The following GRSF1 variants were observed in gnomAD, a reference collection of about 807,000 sequenced individuals.
GRSF1 encodes the protein G-rich sequence factor 1.
GRSF1 carries 50 observed loss-of-function variants against 51.1 expected under a neutral mutation model. The observed-to-expected ratio is 0.98, with a 90% CI of 0.78 to 1.24. The LOEUF (loss-of-function observed/expected upper bound fraction) is 1.24. Ranked by LOEUF, GRSF1 falls within the 50% of genes most tolerant of loss-of-function variation. The probability of loss-of-function intolerance (pLI) is 0.00; values close to 1 mark genes in which losing one functional copy is unlikely to be tolerated. For synonymous variants in GRSF1, 293 were observed against 253.3 expected, an observed-to-expected ratio of 1.16 and a Z score of -1.49; for missense variants, 700 against 639.7, an observed-to-expected ratio of 1.09 and a Z score of -1.02.
Position 70,833,150 on chromosome 4 carries a change from T to A in GRSF1, c.638A>T (p.His213Leu). 6.2e-7 allele frequency: 1 copy of A among 1,613,968 alleles called. No individual in the cohort carries two copies. Among genetic ancestry groups the A allele is most frequent in the Non-Finnish European group, 8.5e-7 (1 of 1,179,878 alleles). ...ATACCGCTGGCCCATGTACATGCGG[T>A]GCTTCTCTAAGGCTTTCTGCACATC... ...EQDVQKALEK[H>L]RMYMGQRYVE... The change falls in exon 3 of 10, where the codon CAC becomes CTC. Residue 213 changes from histidine (H) to leucine (L), a missense_variant. Transcript: ENST00000254799.
At chr4:70,821,213 G>C (rs1733482103) in intron 9 of GRSF1, among the ~76,000 whole-genome samples, 1 of 152,236 alleles carries the variant, frequency 6.6e-6, no homozygotes, top group South Asian at 2.1e-4. Context: ...GATCAGCTGA[G>C]GTCAGGAGTT....
At chr4:70,827,280 T>G (rs1355942616) in intron 6 of GRSF1, among the ~76,000 whole-genome samples, 1 of 88,864 alleles carries the variant, frequency 1.1e-5, no homozygotes, top group African/African-American at 3.2e-5. Flanking sequence ...AGAGTGAAAC[T>G]CTGTCTCAAA....
At chr4:70,835,278 C>T (rs1057081312) in intron 2 of GRSF1, among the ~76,000 whole-genome samples, 2 of 151,124 alleles carry the variant, frequency 1.3e-5, no homozygotes, top group Non-Finnish European at 2.9e-5. Flanking sequence ...CCCAGCTCTA[C>T]TAAAAATACA....
intron 1 of GRSF1, chr4:70,839,099 G>C: frequency 1.6e-6 from 2 of 1,284,790 alleles, no homozygotes; most frequent in South Asian, 1.2e-5. Context: ...GGCGGGCTCG[G>C]GCCTCGCAAC....
At chr4:70,832,135 C>T in intron 4 of GRSF1, among the ~76,000 whole-genome samples, 172 bp downstream of exon 4, 1 of 151,928 alleles carries the variant, frequency 6.6e-6, no homozygotes, top group Non-Finnish European at 1.5e-5. Context: ...CCTGATAGAA[C>T]AAAAACACAT....
chr4:70,839,864 C>A lies in GRSF1; in HGVS notation c.-37G>T, dbSNP rs1395508585. On this transcript the variant is annotated 5_prime_UTR_variant, in exon 1 of 10. Transcript: ENST00000254799. ...GCGGCGCAGGGCCTGAAGGCAGCTG[C>A]TCCAGCAGCGATGGTGGAACGGAAG... The A allele has an allele frequency of 4.9e-6, 7 of 1,442,242 alleles. No individual in the cohort carries two copies. Among genetic ancestry groups the A allele is most frequent in the African/African-American group, 1.5e-5 (1 of 66,994 alleles). The allele number at this position is 1,442,242 out of a possible 1,614,324, so 89.3% of individuals were successfully genotyped here.
At position 70,818,812 on chromosome 4, in the gene GRSF1, A is replaced by C. The variant is rs964322678; in HGVS notation, c.*2075T>G. The C allele has an allele frequency of 2.0e-5, 3 of 152,200 alleles. No individual in the cohort carries two copies. The highest frequency in any genetic ancestry group is 4.4e-5 in the Non-Finnish European group (3 of 68,046). The allele number at this position is 152,200 out of a possible 1,614,324, so 9.4% of individuals were successfully genotyped here. A position where few individuals can be genotyped will look rare whatever the true frequency, so the allele number is the denominator to read the frequency against. ...TATAGACACAAGGAACCCAAACAGA[A>C]GGAAATTCACCATCACTGCTTCCTT... On this transcript the variant is annotated 3_prime_UTR_variant, in exon 10 of 10. Coordinates refer to ENST00000254799, the MANE Select transcript of GRSF1 (RefSeq NM_002092.4).
chr4:70,826,215 G>T lies in GRSF1; in HGVS notation c.1166C>A (p.Pro389Gln). Residue 389 changes from proline (P) to glutamine (Q), a missense_variant, in exon 7 of 10, where the codon CCA (proline) becomes CAA (glutamine). Physicochemically the swap from Pro to Gln is moderately conservative, Grantham distance 76. Coordinates refer to ENST00000254799, the MANE Select transcript of GRSF1 (RefSeq NM_002092.4). ...CGTAGTTCCAAAATCAGCAGCCTCT[G>T]GAAGCTTTTCTGGCACCTCCTTAGG... ...ELPKEVPEKL[P>Q]EAADFGTTSS... is the part of the protein sequence containing the mutation. 1 of 1,610,190 alleles carries T rather than the reference G, an allele frequency of 6.2e-7. No individual in the cohort carries two copies. Among genetic ancestry groups the T allele is most frequent in the Non-Finnish European group, 8.5e-7 (1 of 1,178,192 alleles).
At chr4:70,841,915 C>A (rs551852048), upstream of GRSF1, among the ~76,000 whole-genome samples, 5 of 152,290 alleles carry the variant, frequency 3.3e-5, no homozygotes, top group South Asian at 1.0e-3. Flanking sequence ...TGCAAATACT[C>A]CATCTTCCAG....
chr4:70,833,166 T>A lies in GRSF1; in HGVS notation c.622A>T (p.Lys208Ter). 1 of 1,614,006 alleles carries A rather than the reference T, an allele frequency of 6.2e-7. No individual in the cohort carries two copies. The highest frequency in any genetic ancestry group is 8.5e-7 in the Non-Finnish European group (1 of 1,179,876). ...IEMESEQDVQ[K>*]ALEKHRMYMG... ...TACATGCGGTGCTTCTCTAAGGCTT[T>A]CTGCACATCCTGCTCTGACTCCATT... The change falls in exon 3 of 10, where the codon AAA (lysine) becomes TAA (stop). Residue 208 changes from lysine to a stop codon, truncating the protein, a stop_gained. Coordinates refer to ENST00000254799, the MANE Select transcript of GRSF1 (RefSeq NM_002092.4). LOFTEE classifies it high-confidence loss of function.
chr4:70,825,756 AC>A (rs1352164058), intron 7 of GRSF1: 1 of 294,136 alleles, frequency 3.4e-6, no homozygotes, highest in Non-Finnish European at 6.3e-6. Context: ...ACATGGTGAA[AC>A]CCCATCTCTA....
In GRSF1 at chr4:70,819,245, A is replaced by C. The variant is rs1578289298; in HGVS notation, c.*1642T>G. 1 of 152,206 alleles carries C rather than the reference A, an allele frequency of 6.6e-6. No individual in the cohort carries two copies. The highest frequency in any genetic ancestry group is 2.4e-5 in the African/African-American group (1 of 41,460). The allele number at this position is 152,206 out of a possible 1,614,324, so 9.4% of individuals were successfully genotyped here. ...AGGCCCCACAGATCTTTTCCACAGC[A>C]AATCAGATACCAAATGTGAAAGAGC... On this transcript the variant is annotated 3_prime_UTR_variant, in exon 10 of 10. Coordinates refer to ENST00000254799, the MANE Select transcript of GRSF1 (RefSeq NM_002092.4).
chr4:70,834,847 T>C (rs1352995615), intron 2 of GRSF1, among the ~76,000 whole-genome samples: 1 of 151,916 alleles, frequency 6.6e-6, no homozygotes, highest in Non-Finnish European at 1.5e-5. Context: ...ATGGTCTCGA[T>C]CTCCTGACCT....
At position 70,839,089 on chromosome 4, in the gene GRSF1, G is replaced by A. The variant is rs1734346837; in HGVS notation, c.357+382C>T. 12 of 1,265,504 alleles carry A rather than the reference G, an allele frequency of 9.5e-6. No individual in the cohort carries two copies. In the South Asian group the frequency reaches 1.5e-4, roughly 16 times the overall value. 78.4% of individuals were successfully genotyped at this position (1,265,504 alleles called of 1,614,324 possible). A position where few individuals can be genotyped will look rare whatever the true frequency, so the allele number is the denominator to read the frequency against. On this transcript the variant is annotated intron_variant, in intron 1 of 9. Coordinates refer to ENST00000254799, the MANE Select transcript of GRSF1 (RefSeq NM_002092.4). ...GCTGCACGGAAACTCCCAACCCTCC[G>A]GCGGGCTCGGGCCTCGCAACTTCAC...
intron 2 of GRSF1, among the ~76,000 whole-genome samples, chr4:70,834,783 G>A (rs547497658): frequency 5.3e-5 from 8 of 152,118 alleles, no homozygotes; most frequent in Admixed American, 3.9e-4. Context: ...CACCACGCCC[G>A]GCTAATTTTT....
At position 70,839,567 on chromosome 4, in the gene GRSF1, C is replaced by T. The variant is rs1334122124; in HGVS notation, c.261G>A (p.Ala87=). The T allele has an allele frequency of 2.1e-6, 3 of 1,423,014 alleles. No homozygotes were observed. The highest frequency in any genetic ancestry group is 1.4e-5 in the South Asian group (1 of 70,010). 88.1% of individuals were successfully genotyped at this position (1,423,014 alleles called of 1,614,324 possible). Residue 87 remains alanine, a synonymous_variant, in exon 1 of 10, where the codon GCG becomes GCA. Transcript: ENST00000254799. ...AGPPAVATSA[A]AAAAASYSAL... Reference sequence around the variant, plus strand: ...CAGAGTAGGACGCGGCGGCCGCGGCCGCGGCAGAGGTGGCCACAGCGGGAG... The same window carrying T: ...CAGAGTAGGACGCGGCGGCCGCGGCTGCGGCAGAGGTGGCCACAGCGGGAG...
At chr4:70,824,786 A>C (rs1182782623) in intron 8 of GRSF1, among the ~76,000 whole-genome samples, 1 of 152,200 alleles carries the variant, frequency 6.6e-6, no homozygotes, top group South Asian at 2.1e-4. Flanking sequence ...CGTCTCAAAC[A>C]ACCACAAACA....
At chr4:70,830,131 T>C in intron 5 of GRSF1, among the ~76,000 whole-genome samples, 1 of 152,126 alleles carries the variant, frequency 6.6e-6, no homozygotes, top group East Asian at 1.9e-4. Flanking sequence ...TTTGCTCTAG[T>C]TCAAGAGAAT....
chr4:70,836,275 G>C lies in GRSF1; in HGVS notation c.397C>G (p.Pro133Ala), dbSNP rs777039771. ...TTYLEDLPPP[P>A]EYELAPSKLE... The stretch of plus-strand genomic sequence containing the variant: ...TTGGACGGGGCCAATTCATACTCAG[G>C]GGGTGGTGGAAGGTCTTCCAGGTAA... Residue 133 changes from proline (P) to alanine (A), a missense_variant, in exon 2 of 10, where the codon CCT becomes GCT. Pro to Ala is a conservative substitution (Grantham distance 27). Transcript: ENST00000254799. 25 of 1,600,152 alleles carry C rather than the reference G, an allele frequency of 1.6e-5. No individual in the cohort carries two copies. Among genetic ancestry groups the C allele is most frequent in the Non-Finnish European group, 2.0e-5 (24 of 1,176,200 alleles).
Sources: gnomAD v4.1 joint callset for allele counts (sites outside exome capture counted in the v4.1 genomes callset) on GRCh38, gnomAD v4.1.1 for gene constraint, MANE v1.5 for transcripts, NCBI Gene and HGNC (gene_info 2026-07-23, HGNC 2026-07-21) for gene names.